Variants in MYLK observed in about 807,000 individuals in gnomAD.
The protein encoded by MYLK is myosin light chain kinase, smooth muscle.
A neutral mutation model predicts 203.4 loss-of-function variants in MYLK; 106 were observed. That is an observed-to-expected ratio of 0.52 (90% CI 0.45 to 0.61). The LOEUF is 0.61. MYLK is among the 20% of genes least tolerant of loss of function. The probability of loss-of-function intolerance (pLI) is 0.00; values close to 1 mark genes in which losing one functional copy is unlikely to be tolerated. For missense variants in MYLK, 2,072 were observed against 2,442.3 expected, an observed-to-expected ratio of 0.85 and a Z score of 3.20; for synonymous variants, 867 against 959.5, an observed-to-expected ratio of 0.90 and a Z score of 1.78.
At chr3:123,618,225 G>C in intron 33 of MYLK, 1 of 249,746 alleles carries the variant, frequency 4.0e-6, no homozygotes, top group Non-Finnish European at 7.9e-6. Flanking sequence ...ACGAGTAGCA[G>C]AGCCTGCCGA....
intron 16 of MYLK, among the ~76,000 whole-genome samples, chr3:123,702,244 C>G (rs1314949466): frequency 6.6e-6 from 1 of 152,108 alleles, no homozygotes; most frequent in African/African-American, 2.4e-5. Context: ...CCTCCAACCC[C>G]ATAAGGCTGC....
intron 3 of MYLK, among the ~76,000 whole-genome samples, chr3:123,820,169 G>T (rs962601074): frequency 6.6e-6 from 1 of 152,154 alleles, no homozygotes; most frequent in Admixed American, 6.5e-5. Context: ...TCAGGCAAAG[G>T]CCAGCAGGAC....
intron 23 of MYLK, among the ~76,000 whole-genome samples, chr3:123,663,167 C>G (rs1382113550): frequency 6.6e-6 from 1 of 152,170 alleles, no homozygotes; most frequent in Non-Finnish European, 1.5e-5. Context: ...AACATGACAA[C>G]AGCGGGAGAC....
chr3:123,722,074 A>G (rs1379411070), intron 13 of MYLK, 54 bp downstream of exon 13: 1 of 1,549,066 alleles, frequency 6.5e-7, no homozygotes, highest in Non-Finnish European at 8.7e-7. Context: ...CTTCCTCCAA[A>G]GCAGAAGTGC....
At chr3:123,669,919 CA>C (rs1285355865) in intron 20 of MYLK, among the ~76,000 whole-genome samples, 1 of 150,986 alleles carries the variant, frequency 6.6e-6, no homozygotes, top group Non-Finnish European at 1.5e-5. Flanking sequence ...CCTGTAATCC[CA>C]GCTACTCAGG....
At chr3:123,656,830 G>A (rs2059402209) in intron 24 of MYLK, among the ~76,000 whole-genome samples, 2 of 152,194 alleles carry the variant, frequency 1.3e-5, no homozygotes, top group Admixed American at 6.5e-5. Context: ...GTGGAGGGTG[G>A]AAGAGGAACA....
At chr3:123,831,488 C>A in intron 3 of MYLK, 60 bp downstream of exon 3, 1 of 1,240,182 alleles carries the variant, frequency 8.1e-7, no homozygotes, top group Non-Finnish European at 1.1e-6. Flanking sequence ...TCTCTGCAGC[C>A]TCCCCAGGGT....
chr3:123,620,412 G>T, intron 31 of MYLK, 76 bp from the exon 32 acceptor site: 1 of 1,607,070 alleles, frequency 6.2e-7, no homozygotes, highest in Non-Finnish European at 8.5e-7. Context: ...GCTGCAGGGA[G>T]TAGAGCCCAG....
At chr3:123,637,045 A>G (rs1188777448) in intron 29 of MYLK, among the ~76,000 whole-genome samples, 1 of 152,216 alleles carries the variant, frequency 6.6e-6, no homozygotes, top group Non-Finnish European at 1.5e-5. Context: ...TGGAGTCTGA[A>G]GGCCCCAGGG....
At chr3:123,752,570 G>A in intron 4 of MYLK, 32 bp from the exon 5 acceptor site, 1 of 1,581,348 alleles carries the variant, frequency 6.3e-7, no homozygotes, top group Non-Finnish European at 8.6e-7. Flanking sequence ...GTAAGAGCCT[G>A]TATTTCATGA....
At chr3:123,762,567 C>T (rs1198642533) in intron 4 of MYLK, among the ~76,000 whole-genome samples, 3 of 152,110 alleles carry the variant, frequency 2.0e-5, no homozygotes, top group Admixed American at 2.0e-4. Context: ...ATTATCTCTG[C>T]TATGGTTTGA....
chr3:123,753,923 T>C (rs993655848), intron 4 of MYLK, among the ~76,000 whole-genome samples: 1 of 152,210 alleles, frequency 6.6e-6, no homozygotes, highest in Non-Finnish European at 1.5e-5. Context: ...ATTCACTGAA[T>C]GACCCCCAAA....
In MYLK at chr3:123,733,053, G is replaced by A. The variant is rs200973568; in HGVS notation, c.1359C>T (p.Pro453=). The change falls in exon 11 of 34, where the codon CCC becomes CCT. Residue 453 remains proline (P), a synonymous_variant. Coordinates refer to ENST00000360304, the MANE Select transcript of MYLK (RefSeq NM_053025.4). ...PEVAWFLEGT[P]VRRQEGSIEV... is the part of the protein sequence containing the mutation. ...CAATGCTGCCTTCCTGTCTCCTCACGGGGGTGCCTTCCAGGAACCAGGCCA... is the reference window on the plus strand; with the variant it reads ...CAATGCTGCCTTCCTGTCTCCTCACAGGGGTGCCTTCCAGGAACCAGGCCA... 1.2e-4 allele frequency: 186 copies of A among 1,613,916 alleles called. No individual in the cohort carries two copies. The East Asian group carries it at 3.8e-3, about 33-fold the overall frequency.
chr3:123,756,401 C>A (rs1421098120), intron 4 of MYLK, among the ~76,000 whole-genome samples: 1 of 152,020 alleles, frequency 6.6e-6, no homozygotes, highest in African/African-American at 2.4e-5. Flanking sequence ...CCTAAGACAC[C>A]CCTAGGAGAG....
chr3:123,747,086 A>T (rs1180026847), intron 5 of MYLK, among the ~76,000 whole-genome samples: 4 of 152,236 alleles, frequency 2.6e-5, no homozygotes, highest in Non-Finnish European at 2.9e-5. Flanking sequence ...CCCAACATGA[A>T]GATAAAAGGA....
chr3:123,800,254 A>G (rs1335385617), intron 3 of MYLK: 4 of 152,168 alleles, frequency 2.6e-5, no homozygotes. Context: ...CCTGTCAAGC[A>G]GAGAGCTGAG....
At chr3:123,725,116 A>G (rs760247017) in intron 12 of MYLK, among the ~76,000 whole-genome samples, 35 of 152,032 alleles carry the variant, frequency 2.3e-4, no homozygotes, top group Non-Finnish European at 4.4e-4. Flanking sequence ...TTTCCACCCT[A>G]TCTTCTCATA....
At chr3:123,703,231 G>C (rs1344028243) in intron 16 of MYLK, among the ~76,000 whole-genome samples, 1 of 152,200 alleles carries the variant, frequency 6.6e-6, no homozygotes, top group Non-Finnish European at 1.5e-5. Flanking sequence ...ATTCTCAGGG[G>C]CTCTGGGGCG....
At chr3:123,803,799 CT>C (rs1211914262) in intron 3 of MYLK, among the ~76,000 whole-genome samples, 1 of 152,216 alleles carries the variant, frequency 6.6e-6, no homozygotes, top group East Asian at 1.9e-4. Flanking sequence ...GCGGCACAGG[CT>C]AGGAAGACTC....
Sources: allele counts gnomAD v4.1 joint callset (sites outside exome capture counted in the v4.1 genomes callset), GRCh38; gene constraint gnomAD v4.1.1; transcripts MANE v1.5; gene names NCBI Gene and HGNC (gene_info 2026-07-23, HGNC 2026-07-21).